Variants in MAPK8 observed in about 807,000 individuals in gnomAD.
The protein encoded by MAPK8 is mitogen-activated protein kinase 8, also known as JUN N-terminal kinase.
MAPK8 carries 13 observed loss-of-function variants against 52.9 expected under a neutral mutation model. The ratio of observed to expected loss-of-function variants is 0.25; its 90% confidence interval spans 0.16 to 0.39. The LOEUF (loss-of-function observed/expected upper bound fraction) is 0.39. Among genes scored for constraint, MAPK8 ranks in the 10% least tolerant of loss-of-function variants. The probability of loss-of-function intolerance (pLI) is 1.00; values close to 1 mark genes in which losing one functional copy is unlikely to be tolerated. For missense variants in MAPK8, 300 were observed against 519.2 expected (o/e 0.58, Z 4.10); for synonymous variants, 191 against 169.8 (o/e 1.12, Z -0.97).
chr10:48,313,640 G>A (rs1842207250), intron 1 of MAPK8, among the ~76,000 whole-genome samples: 1 of 152,256 alleles, frequency 6.6e-6, no homozygotes, highest in South Asian at 2.1e-4. Flanking sequence ...GCCAATGAAG[G>A]ATAGGTGTCA....
intron 1 of MAPK8, among the ~76,000 whole-genome samples, chr10:48,334,817 C>A (rs549221868): frequency 1.3e-5 from 2 of 152,266 alleles, no homozygotes; most frequent in African/African-American, 4.8e-5. Flanking sequence ...CTTGCAAGAT[C>A]TAGGTGTCTG....
chr10:48,346,019 A>T (rs1185963950), intron 1 of MAPK8, among the ~76,000 whole-genome samples: 2 of 152,212 alleles, frequency 1.3e-5, no homozygotes. Flanking sequence ...AGCAGAGCCA[A>T]TATGGGAAGC....
intron 1 of MAPK8, among the ~76,000 whole-genome samples, chr10:48,371,001 A>G (rs753173044): frequency 7.9e-5 from 12 of 152,128 alleles, no homozygotes; most frequent in Non-Finnish European, 2.9e-5. Context: ...AAGAAACTCA[A>G]AAGAGGTTGA....
chr10:48,437,667 A>G lies in MAPK8; in HGVS notation c.*2638A>G, dbSNP rs2044962890. ...AGATAGAGCATCTCAACTCTGTCAT[A>G]GTGTTTGCTGAACAGTTTTCAGTGT... On this transcript the variant is annotated 3_prime_UTR_variant, in exon 12 of 12. Transcript: ENST00000374189. 1 of 152,178 alleles carries G rather than the reference A, an allele frequency of 6.6e-6. No individual in the cohort carries two copies. Among genetic ancestry groups the G allele is most frequent in the African/African-American group, 2.4e-5 (1 of 41,428 alleles). The allele number at this position is 152,178 out of a possible 1,614,324, so 9.4% of individuals were successfully genotyped here.
At chr10:48,328,016 T>C (rs1011470537) in intron 1 of MAPK8, among the ~76,000 whole-genome samples, 7 of 152,102 alleles carry the variant, frequency 4.6e-5, no homozygotes, top group Non-Finnish European at 8.8e-5. Flanking sequence ...TTCTCTCTTT[T>C]TCTTCTTTTG....
At chr10:48,334,595 A>T (rs968418181) in intron 1 of MAPK8, among the ~76,000 whole-genome samples, 1 of 152,066 alleles carries the variant, frequency 6.6e-6, no homozygotes, top group African/African-American at 2.4e-5. Context: ...AGGTTTGTCT[A>T]TGGCCTTTGC....
intron 1 of MAPK8, among the ~76,000 whole-genome samples, chr10:48,334,874 A>G (rs766229938): frequency 6.6e-5 from 10 of 152,196 alleles, no homozygotes; most frequent in Non-Finnish European, 1.2e-4. Flanking sequence ...TTTATCTCCT[A>G]GCACGCAAGT....
At chr10:48,413,815 T>TTATATATATATATATATA (rs59042608) in intron 5 of MAPK8, among the ~76,000 whole-genome samples, 16 of 48,400 alleles carry the variant, frequency 3.3e-4, no homozygotes, top group Non-Finnish European at 4.4e-4. Context: ...GCCAGAATTG[T>TTATATATATATATATATA]TATATATATA....
At chr10:48,395,953 A>G (rs1411529523) in intron 1 of MAPK8, among the ~76,000 whole-genome samples, 2 of 152,152 alleles carry the variant, frequency 1.3e-5, no homozygotes, top group East Asian at 1.9e-4. Context: ...TTTGACTTAA[A>G]ACTCTTATAC....
At chr10:48,342,197 A>G (rs1213373849) in intron 1 of MAPK8, among the ~76,000 whole-genome samples, 1 of 152,174 alleles carries the variant, frequency 6.6e-6, no homozygotes, top group African/African-American at 2.4e-5. Context: ...TCAACTTCCC[A>G]GGCTCAAGCG....
rs535751875 is a variant in MAPK8 at position 48,436,115 on chromosome 10, A to C, written c.*1086A>C. On this transcript the variant is annotated 3_prime_UTR_variant, in exon 12 of 12. Transcript: ENST00000374189. The stretch of plus-strand genomic sequence containing the variant: ...TTGGGAGGTTCCAAACCCTACCTAG[A>C]TTTGTGTAGGTGATGTATCAAATGA... 1 of 152,346 alleles carries C rather than the reference A, an allele frequency of 6.6e-6. No homozygotes were observed. Among genetic ancestry groups the C allele is most frequent in the East Asian group, 1.9e-4 (1 of 5,182 alleles). 9.4% of individuals were successfully genotyped at this position (152,346 alleles called of 1,614,324 possible).
chr10:48,399,855 C>T, intron 1 of MAPK8, among the ~76,000 whole-genome samples: 1 of 152,002 alleles, frequency 6.6e-6, no homozygotes, highest in Non-Finnish European at 1.5e-5. Flanking sequence ...GAAGGTTTAA[C>T]CTTCCCAAAG....
At position 48,387,120 on chromosome 10, in the gene MAPK8, C is replaced by A. The variant is rs975392403; in HGVS notation, c.-49-14492C>A. Among the ~76,000 whole-genome samples, 9 of 152,174 alleles carry A rather than the reference C, an allele frequency of 5.9e-5. 1 individual carries two copies. The highest frequency in any genetic ancestry group is 5.9e-4 in the Admixed American group (9 of 15,272). On this transcript the variant is annotated intron_variant, in intron 1 of 11. Coordinates refer to ENST00000374189, the MANE Select transcript of MAPK8 (RefSeq NM_001323329.2). ...TATTTTATGAATAGGTCTTTAAAAACCCAATTGCAGAACTACAAACCAGGC... is the reference window on the plus strand; with the variant it reads ...TATTTTATGAATAGGTCTTTAAAAAACCAATTGCAGAACTACAAACCAGGC...
At chr10:48,379,938 TAAAA>T (rs373050540) in intron 1 of MAPK8, among the ~76,000 whole-genome samples, 1 of 115,916 alleles carries the variant, frequency 8.6e-6, no homozygotes, top group African/African-American at 3.4e-5. Context: ...ACAAAGCTCT[TAAAA>T]AAAAAAAAAA....
At chr10:48,411,685 T>C (rs2042755032) in intron 5 of MAPK8, among the ~76,000 whole-genome samples, 1 of 152,218 alleles carries the variant, frequency 6.6e-6, no homozygotes, top group African/African-American at 2.4e-5. Flanking sequence ...TTTCATTGCA[T>C]CTGTAGATTG....
At chr10:48,343,962 T>G (rs1327914620) in intron 1 of MAPK8, among the ~76,000 whole-genome samples, 1 of 152,228 alleles carries the variant, frequency 6.6e-6, no homozygotes, top group Non-Finnish European at 1.5e-5. Context: ...GTTGGTATTT[T>G]GCAAGACAGG....
In MAPK8 at chr10:48,327,316, G is replaced by A. The variant is rs528919579; in HGVS notation, c.-50+20495G>A. On this transcript the variant is annotated intron_variant, in intron 1 of 11. Coordinates refer to ENST00000374189, the MANE Select transcript of MAPK8 (RefSeq NM_001323329.2). ...TGAGTGGTGTTAGATTTTGTCAGAC[G>A]CTTTGTCTGCATCCATTGATATGAC... Among the ~76,000 whole-genome samples, 15 of 152,154 alleles carry A rather than the reference G, an allele frequency of 9.9e-5. No homozygotes were observed. The East Asian group carries it at 2.1e-3, about 22-fold the overall frequency.
chr10:48,379,852 A>C (rs537221293), intron 1 of MAPK8, among the ~76,000 whole-genome samples: 3 of 151,908 alleles, frequency 2.0e-5, no homozygotes, highest in Admixed American at 2.0e-4. Flanking sequence ...AGAATACTTG[A>C]ATATGGTACA....
At chr10:48,434,774 C>T in intron 11 of MAPK8, 110 bp from the exon 12 acceptor site, 1 of 905,556 alleles carries the variant, frequency 1.1e-6, no homozygotes, top group South Asian at 2.4e-5. Flanking sequence ...TTTAGTGAGC[C>T]TTCGAAACCC....
Sources: allele counts gnomAD v4.1 joint callset (sites outside exome capture counted in the v4.1 genomes callset), GRCh38; gene constraint gnomAD v4.1.1; transcripts MANE v1.5; gene names NCBI Gene and HGNC (gene_info 2026-07-23, HGNC 2026-07-21).